The following SEC24B variants were observed in gnomAD, a reference collection of about 807,000 sequenced individuals.
The protein encoded by SEC24B is protein transport protein Sec24B.
Under a neutral mutation model 142.8 loss-of-function variants are expected in SEC24B, and 45 were observed. The ratio of observed to expected loss-of-function variants is 0.32; its 90% CI spans 0.25 to 0.40. SEC24B has a LOEUF of 0.40. Among genes scored for constraint, SEC24B ranks in the 10% least tolerant of loss-of-function variants. SEC24B has a pLI of 1.00. For missense variants in SEC24B, 1,409 were observed against 1,526.8 expected (o/e 0.92, Z 1.29); for synonymous variants, 574 against 568.2 (o/e 1.01, Z -0.15).
intron 8 of SEC24B, among the ~76,000 whole-genome samples, chr4:109,511,555 T>C (rs531567689): frequency 1.3e-5 from 2 of 152,346 alleles, no homozygotes; most frequent in Admixed American, 1.3e-4. Context: ...GTTTGACTGC[T>C]TCTGGCCTCA....
chr4:109,462,940 G>T lies in SEC24B; in HGVS notation c.173G>T (p.Gly58Val). Residue 58 changes from glycine (G) to valine (V), a missense_variant, in exon 2 of 24, where the codon GGA becomes GTA. Around this residue, in one of 2 missense-constraint regions of SEC24B, gnomAD observed 709 missense variants for 673.5 expected, o/e 1.05. Transcript: ENST00000265175. The part of the protein sequence containing the change: ...QNQMQVPSGY[G>V]LHHQNYIAPS... Reference sequence around the variant, plus strand: ...CAAATGCAGGTTCCATCTGGATATGGATTGCATCATCAAAACTATATTGCT... The same window carrying T: ...CAAATGCAGGTTCCATCTGGATATGTATTGCATCATCAAAACTATATTGCT... The T allele has an allele frequency of 6.2e-7, 1 of 1,612,210 alleles. No individual in the cohort carries two copies.
chr4:109,540,655 G>A lies in SEC24B; in HGVS notation c.*980G>A, dbSNP rs1427145776. ...CCCAGCGCTTTGGGAGGCCAAGGTGGGCAGATGACTTGAGGTCAGGTGTTC... is the reference window on the plus strand; with the variant it reads ...CCCAGCGCTTTGGGAGGCCAAGGTGAGCAGATGACTTGAGGTCAGGTGTTC... On this transcript the variant is annotated 3_prime_UTR_variant, in exon 24 of 24. Transcript: ENST00000265175. 6.6e-6 allele frequency: 1 copy of A among 152,144 alleles called. No homozygotes were observed. The highest frequency in any genetic ancestry group is 1.5e-5 in the Non-Finnish European group (1 of 68,054). 9.4% of individuals were successfully genotyped at this position (152,144 alleles called of 1,614,324 possible).
At chr4:109,537,776 T>G (rs1403811951) in intron 22 of SEC24B, among the ~76,000 whole-genome samples, 5 of 152,192 alleles carry the variant, frequency 3.3e-5, no homozygotes, top group Non-Finnish European at 5.9e-5. Context: ...TCTGAAAAAA[T>G]TCACATCAAA....
chr4:109,450,282 G>A (rs932596329), intron 1 of SEC24B, among the ~76,000 whole-genome samples: 1 of 152,034 alleles, frequency 6.6e-6, no homozygotes, highest in African/African-American at 2.4e-5. Flanking sequence ...TGATTTGTGG[G>A]CTTATGTTCA....
chr4:109,489,644 A>ATATATTATAC (rs980025943), intron 4 of SEC24B, among the ~76,000 whole-genome samples: 1 of 79,838 alleles, frequency 1.3e-5, no homozygotes, highest in Admixed American at 9.6e-5. Context: ...TATATATATG[A>ATATATTATAC]TATATATGGT....
At chr4:109,503,262 T>C (rs1340357540) in intron 6 of SEC24B, among the ~76,000 whole-genome samples, 1 of 150,498 alleles carries the variant, frequency 6.6e-6, no homozygotes, top group Non-Finnish European at 1.5e-5. Flanking sequence ...TTCACTCTTG[T>C]TGCCTGGCTG....
At chr4:109,467,914 T>A (rs1732123114) in intron 2 of SEC24B, among the ~76,000 whole-genome samples, 1 of 152,210 alleles carries the variant, frequency 6.6e-6, no homozygotes, top group African/African-American at 2.4e-5. Context: ...GTTTATATAA[T>A]TCTTCACAGT....
intron 22 of SEC24B, among the ~76,000 whole-genome samples, chr4:109,536,780 C>T (rs768103040): frequency 2.0e-5 from 3 of 151,634 alleles, no homozygotes; most frequent in South Asian, 2.1e-4. Context: ...CCCCCCACCT[C>T]GGCCTCCCAA....
intron 6 of SEC24B, among the ~76,000 whole-genome samples, chr4:109,505,123 A>T (rs1188279848): frequency 6.6e-6 from 1 of 152,116 alleles, no homozygotes; most frequent in African/African-American, 2.4e-5. Flanking sequence ...TTATTGTATT[A>T]GTACCTTATT....
chr4:109,535,148 T>C (rs1455404432), intron 22 of SEC24B, among the ~76,000 whole-genome samples: 2 of 152,246 alleles, frequency 1.3e-5, no homozygotes, highest in African/African-American at 4.8e-5. Flanking sequence ...ATGTTTTCAG[T>C]TCTCTTGGGC....
At chr4:109,440,886 C>T (rs1480648219) in intron 1 of SEC24B, among the ~76,000 whole-genome samples, 2 of 152,176 alleles carry the variant, frequency 1.3e-5, no homozygotes, top group Admixed American at 6.6e-5. Context: ...GCTCCCTCTC[C>T]CCTTTTTTGT....
chr4:109,535,039 C>T (rs1725364257), intron 22 of SEC24B, among the ~76,000 whole-genome samples: 1 of 152,082 alleles, frequency 6.6e-6, no homozygotes, highest in Non-Finnish European at 1.5e-5. Flanking sequence ...ATTTTGATCA[C>T]CCATTCATCC....
rs780371090 is a variant in SEC24B, at chr4:109,512,009, C to T, written c.1829C>T (p.Thr610Met). Residue 610 changes from threonine (T) to methionine (M), a missense_variant, in exon 9 of 24, where the codon ACG becomes ATG. By Grantham distance (81) the Thr-to-Met change is moderately conservative. This residue lies in a region of SEC24B where 700 missense variants were observed against 853.3 expected (regional missense o/e 0.82). Coordinates refer to ENST00000265175, the MANE Select transcript of SEC24B (RefSeq NM_006323.5). Reference protein sequence around the residue: ...NTIVRCRSCRTYINPFVSFID... With the variant: ...NTIVRCRSCRMYINPFVSFID... ...ATTGTGAGGTGCCGATCCTGTCGAACGTATATTAACCCCTTTGTATCCTTC... is the reference window on the plus strand; with the variant it reads ...ATTGTGAGGTGCCGATCCTGTCGAATGTATATTAACCCCTTTGTATCCTTC... 5 of 1,612,994 alleles carry T rather than the reference C, an allele frequency of 3.1e-6. No individual in the cohort carries two copies. The highest frequency in any genetic ancestry group is 1.1e-5 in the South Asian group (1 of 91,038).
At chr4:109,443,999 G>C (rs1729185540) in intron 1 of SEC24B, among the ~76,000 whole-genome samples, 1 of 152,026 alleles carries the variant, frequency 6.6e-6, no homozygotes, top group Admixed American at 6.6e-5. Flanking sequence ...GAGGTGGGTG[G>C]ATCACCTGAG....
At chr4:109,493,974 G>T (rs1578891708) in intron 5 of SEC24B, among the ~76,000 whole-genome samples, 1 of 152,266 alleles carries the variant, frequency 6.6e-6, no homozygotes, top group Non-Finnish European at 1.5e-5. Context: ...ATGGAAACAT[G>T]CTACTCCTTC....
chr4:109,521,101 T>C lies in SEC24B; in HGVS notation c.2246-16T>C, dbSNP rs1219065250. 1.4e-6 allele frequency: 2 copies of C among 1,448,712 alleles called. No individual in the cohort carries two copies. Among genetic ancestry groups the C allele is most frequent in the Non-Finnish European group, 1.9e-6 (2 of 1,035,594 alleles). 89.7% of individuals were successfully genotyped at this position (1,448,712 alleles called of 1,614,324 possible). ...TTTGTTCGATTTGTTGATTAAAATATGTGTTTTCCCTATAGATGTTTTTCT... is the reference window on the plus strand; with the variant it reads ...TTTGTTCGATTTGTTGATTAAAATACGTGTTTTCCCTATAGATGTTTTTCT... On this transcript the variant is annotated splice_polypyrimidine_tract_variant and intron_variant, in intron 12 of 23. Transcript: ENST00000265175.
intron 19 of SEC24B, among the ~76,000 whole-genome samples, chr4:109,530,782 GCTA>G: frequency 6.6e-6 from 1 of 151,312 alleles, no homozygotes; most frequent in East Asian, 2.0e-4. Context: ...TGTAATCCCA[GCTA>G]CTCTGGGGGC....
In SEC24B at chr4:109,537,768, T is replaced by G. The variant is rs1188973405; in HGVS notation, c.3589-725T>G. 2.0e-5 allele frequency among the ~76,000 whole-genome samples: 3 copies of G among 152,222 alleles called. No individual in the cohort carries two copies. In the East Asian group the frequency reaches 5.8e-4, roughly 29 times the overall value. ...ACTTAGTAATAATTTAGAAAACATC[T>G]GAAAAAATTCACATCAAAATGGAAA... is the stretch of plus-strand genomic sequence containing the variant. On this transcript the variant is annotated intron_variant, in intron 22 of 23. Transcript: ENST00000265175.
At chr4:109,459,290 T>C (rs540106693) in intron 1 of SEC24B, among the ~76,000 whole-genome samples, 2 of 152,326 alleles carry the variant, frequency 1.3e-5, no homozygotes, top group South Asian at 4.1e-4. Context: ...ACATATGCTG[T>C]AGACTTTCAC....
Sources: gnomAD v4.1 joint callset for allele counts (sites outside exome capture counted in the v4.1 genomes callset) on GRCh38, gnomAD v4.1.1 for gene constraint, gnomAD v4.1.1 regional missense constraint, MANE v1.5 for transcripts, NCBI Gene and HGNC (gene_info 2026-07-23, HGNC 2026-07-21) for gene names.